Variants in MEIS2 observed in about 807,000 individuals in gnomAD.
MEIS2 encodes Meis homeobox 2, also known as homeobox protein Meis2.
In MEIS2, 9 loss-of-function variants were observed where a neutral mutation model predicts 58.6. That is an observed-to-expected ratio of 0.15 (90% confidence interval 0.09 to 0.27). MEIS2 has a LOEUF of 0.27. Among genes scored for constraint, MEIS2 ranks in the 10% least tolerant of loss-of-function variants. The pLI, the probability that MEIS2 is intolerant of heterozygous loss-of-function variation, is 1.00. For missense variants in MEIS2, 427 were observed against 635.0 expected, an observed-to-expected ratio of 0.67 and a Z score of 3.52; for synonymous variants, 221 against 228.4, an observed-to-expected ratio of 0.97 and a Z score of 0.29.
At chr15:37,061,563 T>C (rs1596044529) in intron 7 of MEIS2, among the ~76,000 whole-genome samples, 1 of 152,236 alleles carries the variant, frequency 6.6e-6, no homozygotes, top group African/African-American at 2.4e-5. Context: ...ATTAAGAATA[T>C]CTTCAGAAGC....
intron 8 of MEIS2, among the ~76,000 whole-genome samples, chr15:36,999,360 A>C (rs1415523932): frequency 6.6e-6 from 1 of 152,186 alleles, no homozygotes; most frequent in Non-Finnish European, 1.5e-5. Context: ...ACTCATAGTA[A>C]ACCATGCTGA....
chr15:37,010,576 C>T (rs2061112072), intron 8 of MEIS2, among the ~76,000 whole-genome samples: 2 of 151,954 alleles, frequency 1.3e-5, no homozygotes, highest in South Asian at 2.1e-4. Flanking sequence ...GAGGGTTTCA[C>T]CATATTGCTC....
intron 8 of MEIS2, among the ~76,000 whole-genome samples, chr15:36,957,647 C>T (rs1459585415): frequency 6.6e-6 from 1 of 152,178 alleles, no homozygotes; most frequent in Non-Finnish European, 1.5e-5. Flanking sequence ...ACATGTGCAC[C>T]TGTGTCACAT....
intron 8 of MEIS2, among the ~76,000 whole-genome samples, chr15:37,032,055 G>C (rs1434987672): frequency 6.6e-6 from 1 of 152,044 alleles, no homozygotes; most frequent in African/African-American, 2.4e-5. Flanking sequence ...GCCCAGGCTG[G>C]TGTCAAACTC....
At chr15:37,095,937 C>T in intron 3 of MEIS2, 1 of 454,408 alleles carries the variant, frequency 2.2e-6, no homozygotes, top group Non-Finnish European at 4.0e-6. Context: ...GGAGAGGCGC[C>T]CAGCTTCCTT....
At chr15:37,073,597 A>G (rs1018034101) in intron 7 of MEIS2, among the ~76,000 whole-genome samples, 1 of 152,094 alleles carries the variant, frequency 6.6e-6, no homozygotes, top group African/African-American at 2.4e-5. Flanking sequence ...TCTACACATC[A>G]GCCCCAGTGT....
chr15:37,033,741 T>G (rs1406988465), intron 8 of MEIS2, among the ~76,000 whole-genome samples: 2 of 152,204 alleles, frequency 1.3e-5, no homozygotes, highest in Admixed American at 1.3e-4. Flanking sequence ...TGCCTGTTAG[T>G]GCATGTAAGA....
chr15:36,974,591 C>T (rs192777588), intron 8 of MEIS2, among the ~76,000 whole-genome samples: 33 of 152,304 alleles, frequency 2.2e-4, no homozygotes, highest in Admixed American at 2.0e-3. Flanking sequence ...ACAGGGCTGC[C>T]CCTCAGCCCA....
intron 8 of MEIS2, among the ~76,000 whole-genome samples, chr15:36,995,970 T>TAC (rs2060483821): frequency 2.7e-4 from 2 of 7,284 alleles, no homozygotes; most frequent in Non-Finnish European, 5.2e-4. Flanking sequence ...TATATATATA[T>TAC]ATATATATAT....
At chr15:37,031,831 G>GTA (rs1415111953) in intron 8 of MEIS2, among the ~76,000 whole-genome samples, 6 of 150,318 alleles carry the variant, frequency 4.0e-5, no homozygotes, top group Non-Finnish European at 7.4e-5. Context: ...GTGTGTGTGT[G>GTA]TGTGTGTGTG....
intron 8 of MEIS2, among the ~76,000 whole-genome samples, chr15:36,952,607 CTGTGTGTGTGTG>C (rs59061267): frequency 1.4e-4 from 20 of 140,090 alleles, no homozygotes; most frequent in East Asian, 1.1e-3. Flanking sequence ...GTCTCTCTCT[CTGTGTGTGTGTG>C]TGTGTGTGTG....
At chr15:37,008,823 C>G (rs914521761) in intron 8 of MEIS2, among the ~76,000 whole-genome samples, 5 of 152,102 alleles carry the variant, frequency 3.3e-5, no homozygotes, top group Non-Finnish European at 5.9e-5. Context: ...ACATAAGAAA[C>G]GACATTTTGT....
chr15:36,907,538 G>A (rs927797113), intron 9 of MEIS2, among the ~76,000 whole-genome samples: 3 of 152,200 alleles, frequency 2.0e-5, no homozygotes, highest in Non-Finnish European at 4.4e-5. Context: ...GAAGTGTTTG[G>A]ATGGACCAGG....
intron 8 of MEIS2, among the ~76,000 whole-genome samples, chr15:37,007,579 A>G (rs1260505289): frequency 6.6e-6 from 1 of 152,062 alleles, no homozygotes; most frequent in East Asian, 1.9e-4. Flanking sequence ...ACCATACCAC[A>G]CACCTTGGAA....
intron 9 of MEIS2, among the ~76,000 whole-genome samples, chr15:36,908,640 C>A (rs1217092759): frequency 5.9e-5 from 9 of 152,082 alleles, no homozygotes; most frequent in Non-Finnish European, 1.0e-4. Flanking sequence ...TTTCACAATG[C>A]AGATAAAGTA....
chr15:36,961,647 TC>T (rs1197894593), intron 8 of MEIS2, among the ~76,000 whole-genome samples: 1 of 152,030 alleles, frequency 6.6e-6, no homozygotes, highest in Non-Finnish European at 1.5e-5. Flanking sequence ...GACAAAAAAA[TC>T]AGAAAATATT....
intron 8 of MEIS2, among the ~76,000 whole-genome samples, chr15:37,023,965 G>A (rs2061615397): frequency 7.1e-6 from 1 of 141,386 alleles, no homozygotes; most frequent in Non-Finnish European, 1.5e-5. Flanking sequence ...CCAGGCTGGA[G>A]TGCAGTGGCA....
At chr15:36,900,353 G>A (rs1222575696) in intron 9 of MEIS2, among the ~76,000 whole-genome samples, 1 of 151,970 alleles carries the variant, frequency 6.6e-6, no homozygotes, top group Non-Finnish European at 1.5e-5. Flanking sequence ...ACCCTAAAGA[G>A]CCCTAGTTCC....
intron 7 of MEIS2, among the ~76,000 whole-genome samples, chr15:37,046,656 G>A (rs917472797): frequency 1.3e-5 from 2 of 152,054 alleles, no homozygotes; most frequent in South Asian, 4.1e-4. Context: ...GTTAACTGTT[G>A]AACAGAAACA....
Sources: gnomAD v4.1 joint callset for allele counts (sites outside exome capture counted in the v4.1 genomes callset) on GRCh38, gnomAD v4.1.1 for gene constraint, MANE v1.5 for transcripts, NCBI Gene and HGNC (gene_info 2026-07-23, HGNC 2026-07-21) for gene names.